ARMCX4: variants seen among roughly 807,000 people sequenced by gnomAD.
ARMCX4 encodes the protein armadillo repeat containing X-linked 4.
ARMCX4 carries 3 observed loss-of-function variants against 34.7 expected under a neutral mutation model. The ratio of observed to expected loss-of-function variants is 0.09; its 90% CI spans 0.04 to 0.22. The LOEUF is 0.22. Among genes scored for constraint, ARMCX4 ranks in the 10% least tolerant of loss-of-function variants. The pLI is 1.00. For missense variants in ARMCX4, 1,448 were observed against 1,720.8 expected (o/e 0.84, Z 2.81); for synonymous variants, 513 against 632.8 (o/e 0.81, Z 2.84).
In ARMCX4 at chrX:101,492,111, G is replaced by T; in HGVS notation, c.3522G>T (p.Val1174=). 1 of 1,149,536 alleles carries T rather than the reference G, an allele frequency of 8.7e-7. No individual in the cohort carries two copies. Among genetic ancestry groups the T allele is most frequent in the Non-Finnish European group, 1.2e-6 (1 of 869,219 alleles). 94.7% of individuals were successfully genotyped at this position (1,149,536 alleles called of 1,213,427 possible). ...KSWAGARAEN[V]VGIGTWARAG... The stretch of plus-strand genomic sequence containing the variant: ...GGGCTGGGGCCAGGGCTGAGAATGT[G>T]GTTGGTATTGGGACTTGGGCTAGAG... Residue 1174 remains valine, a synonymous_variant, in exon 6 of 6, where the codon GTG becomes GTT. Coordinates refer to ENST00000423738, the MANE Select transcript of ARMCX4 (RefSeq NM_001256155.3).
At chrX:101,525,409 T>C (rs782122135) in intron 11 of ARMCX4, among the ~76,000 whole-genome samples, 1 of 111,458 alleles carries the variant, frequency 9.0e-6, no homozygotes, top group East Asian at 2.8e-4. Context: ...GAGCGCCTCT[T>C]CTCCTCCAAA....
chrX:101,432,847 T>C (rs1207994754), intron 2 of ARMCX4, among the ~76,000 whole-genome samples: 4 of 98,984 alleles, frequency 4.0e-5, no homozygotes, highest in South Asian at 8.3e-4. Flanking sequence ...TGTATACATA[T>C]GTGTATATAT....
At chrX:101,464,909 A>G in intron 4 of ARMCX4, among the ~76,000 whole-genome samples, 1 of 111,743 alleles carries the variant, frequency 8.9e-6, no homozygotes, top group African/African-American at 3.2e-5. Context: ...AATGCAGGCA[A>G]GGGATCTAAT....
intron 2 of ARMCX4, among the ~76,000 whole-genome samples, chrX:101,438,436 G>C (rs113185248): frequency 4.5e-5 from 5 of 110,892 alleles, no homozygotes; most frequent in African/African-American, 1.6e-4. Flanking sequence ...ATGGTGGTGG[G>C]CACCTGTAGT....
At chrX:101,525,980 G>A (rs1175345549) in intron 11 of ARMCX4, among the ~76,000 whole-genome samples, 5 of 111,126 alleles carry the variant, frequency 4.5e-5, no homozygotes, top group African/African-American at 1.6e-4. Flanking sequence ...GAAATACAGA[G>A]AACACCACAA....
chrX:101,487,325 G>A (rs1933781818), intron 3 of ARMCX4, 53 bp downstream of exon 3: 1 of 146,193 alleles, frequency 6.8e-6, no homozygotes, highest in Non-Finnish European at 1.3e-5. Flanking sequence ...GGTGGGCATA[G>A]GAGGTGGGTG....
At chrX:101,457,113 A>C (rs1481676373) in intron 4 of ARMCX4, among the ~76,000 whole-genome samples, 6 of 111,227 alleles carry the variant, frequency 5.4e-5, no homozygotes, top group Non-Finnish European at 9.4e-5. Flanking sequence ...TGAAGAAAAC[A>C]GGTTAATTTA....
chrX:101,516,110 T>G lies in ARMCX4; in HGVS notation c.*1780+5055T>G, dbSNP rs1367013725. ...ACAGTTATATTTTAAATTAGAAGTA[T>G]GGGCCAGATGATGGGACATAGCTTC... On this transcript the variant is annotated intron_variant and NMD_transcript_variant, in intron 11 of 12. Coordinates refer to the ARMCX4 transcript ENST00000354842. Among the ~76,000 whole-genome samples the G allele has an allele frequency of 3.6e-5, 4 of 111,843 alleles. No homozygotes were observed. In the East Asian group the frequency reaches 1.1e-3, roughly 31 times the overall value.
chrX:101,429,116 TC>T (rs1929821766), intron 2 of ARMCX4, among the ~76,000 whole-genome samples: 1 of 110,366 alleles, frequency 9.1e-6, no homozygotes, highest in African/African-American at 3.3e-5. Flanking sequence ...TGCCTCAGCC[TC>T]CCAAATTGCT....
chrX:101,437,574 T>G (rs1239350066), intron 2 of ARMCX4, among the ~76,000 whole-genome samples: 1 of 111,678 alleles, frequency 9.0e-6, no homozygotes, highest in Non-Finnish European at 1.9e-5. Flanking sequence ...CTATCAATTT[T>G]GTTGATCTTT....
At chrX:101,463,840 C>G (rs2147611155) in intron 4 of ARMCX4, among the ~76,000 whole-genome samples, 2 of 110,603 alleles carry the variant, frequency 1.8e-5, no homozygotes, top group East Asian at 5.8e-4. Flanking sequence ...ACCTCCGTCT[C>G]CCAGGCTCAA....
At chrX:101,523,876 G>C (rs2057354) in intron 11 of ARMCX4, among the ~76,000 whole-genome samples, 1 of 110,476 alleles carries the variant, frequency 9.1e-6, no homozygotes, top group Non-Finnish European at 1.9e-5. Flanking sequence ...TGTTCATACA[G>C]TGTATAAATA....
At chrX:101,487,959 A>G in intron 4 of ARMCX4, 85 bp from the exon 5 acceptor site, 2 of 493,553 alleles carry the variant, frequency 4.1e-6, no homozygotes, top group South Asian at 2.7e-5. Flanking sequence ...CCCATCAAGA[A>G]CAAACTCTCT....
intron 2 of ARMCX4, 83 bp from the exon 3 acceptor site, chrX:101,487,110 C>A (rs1162193107): frequency 2.0e-5 from 2 of 98,463 alleles, no homozygotes; most frequent in Admixed American, 2.3e-4. Context: ...TCCAGGCAGG[C>A]AGGTACAGGG....
chrX:101,486,178 G>A (rs1157013248), intron 2 of ARMCX4, 86 bp downstream of exon 2: 2 of 110,947 alleles, frequency 1.8e-5, no homozygotes, highest in Non-Finnish European at 3.8e-5. Context: ...GTCTGAATGG[G>A]ATGTGGGGTG....
At chrX:101,533,420 C>A (rs1475328445) in exon 13 of ARMCX4, 1 of 110,939 alleles carries the variant, frequency 9.0e-6, no homozygotes, top group African/African-American at 3.3e-5. Flanking sequence ...TTGCATATAC[C>A]TCTGTAAGTA....
intron 4 of ARMCX4, among the ~76,000 whole-genome samples, chrX:101,465,153 A>T (rs5991940): frequency 0.51 from 55,512 of 109,914 alleles, 11,267 homozygotes; most frequent in African/African-American, 0.77. Flanking sequence ...ACAAAGCAAA[A>T]AGTAAGATGG....
chrX:101,528,823 G>A (rs1556021327), intron 11 of ARMCX4, among the ~76,000 whole-genome samples: 1 of 110,699 alleles, frequency 9.0e-6, no homozygotes, highest in Non-Finnish European at 1.9e-5. Context: ...ACTGCTCAAC[G>A]AGATAAAAAA....
upstream of ARMCX4, among the ~76,000 whole-genome samples, chrX:101,483,226 G>GA (rs782301774): frequency 7.2e-4 from 75 of 103,875 alleles, 1 homozygote; most frequent in South Asian, 0.012. Context: ...CAAGCATTGC[G>GA]AAAAAAAAAA....
Sources: gnomAD v4.1 joint callset for allele counts (sites outside exome capture counted in the v4.1 genomes callset) on GRCh38, gnomAD v4.1.1 for gene constraint, MANE v1.5 for transcripts, NCBI Gene and HGNC (gene_info 2026-07-23, HGNC 2026-07-21) for gene names.